Variants in DOCK6 observed in about 807,000 individuals in gnomAD.
DOCK6 encodes the protein dedicator of cytokinesis protein 6.
DOCK6 carries 167 observed loss-of-function variants against 230.3 expected under a neutral mutation model. That is an observed-to-expected ratio of 0.73 (90% CI 0.64 to 0.82). The LOEUF is 0.82. Ranked by LOEUF, DOCK6 falls within the 40% of genes least tolerant of loss-of-function variation. The pLI is 0.00. For synonymous variants in DOCK6, 1,148 were observed against 1,185.0 expected, an observed-to-expected ratio of 0.97 and a Z score of 0.64; for missense variants, 2,598 against 2,825.8, an observed-to-expected ratio of 0.92 and a Z score of 1.83.
intron 22 of DOCK6, among the ~76,000 whole-genome samples, chr19:11,231,425 G>A (rs2079764987): frequency 6.6e-6 from 1 of 152,012 alleles, no homozygotes; most frequent in Non-Finnish European, 1.5e-5. Flanking sequence ...TTTCCACGCT[G>A]TGTGATCATA....
intron 14 of DOCK6, chr19:11,241,744 G>A (rs1485981195): frequency 4.6e-5 from 71 of 1,556,118 alleles, no homozygotes; most frequent in South Asian, 9.5e-5. Context: ...TCCACGCCCC[G>A]TGAGGCCCCT....
chr19:11,242,442 A>G (rs755911131), intron 13 of DOCK6, among the ~76,000 whole-genome samples: 3 of 151,734 alleles, frequency 2.0e-5, no homozygotes, highest in African/African-American at 7.3e-5. Flanking sequence ...CTCAGGCTGG[A>G]GTGCAGTGGG....
Position 11,200,615 on chromosome 19 carries a change from A to T in DOCK6, c.5939+101T>A. On this transcript the variant is annotated intron_variant, in intron 46 of 47. Transcript: ENST00000294618. The surrounding 1 kb of genome is among the most constrained non-coding windows in gnomAD (Gnocchi z 4.3). ...GGTTGGGAGAGTGGACTTAATGGGA[A>T]TCGGGCAGATGGGGGAGCCATGCAG... 6.7e-7 allele frequency: 1 copy of T among 1,491,950 alleles called. No individual in the cohort carries two copies. The highest frequency in any genetic ancestry group is 9.1e-7 in the Non-Finnish European group (1 of 1,104,664). 92.4% of individuals were successfully genotyped at this position (1,491,950 alleles called of 1,614,324 possible).
chr19:11,259,322 C>T (rs150414355), intron 1 of DOCK6, among the ~76,000 whole-genome samples: 143 of 152,128 alleles, frequency 9.4e-4, no homozygotes, highest in African/African-American at 3.3e-3. Flanking sequence ...GCCATCATAC[C>T]TGGCCCAAAA....
chr19:11,232,977 G>C (rs2079791634), intron 22 of DOCK6, among the ~76,000 whole-genome samples: 1 of 152,108 alleles, frequency 6.6e-6, no homozygotes, highest in South Asian at 2.1e-4. Flanking sequence ...GCCACGCCAA[G>C]CTCCGCCACC....
intron 1 of DOCK6, among the ~76,000 whole-genome samples, chr19:11,261,383 G>C (rs1201453138): frequency 8.0e-6 from 1 of 125,018 alleles, no homozygotes; most frequent in Non-Finnish European, 1.6e-5. Context: ...TGTCCCTACA[G>C]CACTTGTCAC....
In DOCK6 at chr19:11,236,708, C is replaced by G; in HGVS notation, c.2160+85G>C. On this transcript the variant is annotated intron_variant, in intron 19 of 47. Coordinates refer to ENST00000294618, the MANE Select transcript of DOCK6 (RefSeq NM_020812.4). The surrounding 1 kb of genome is among the most constrained non-coding windows in gnomAD (Gnocchi z 5.2). Reference sequence around the variant, plus strand: ...CGTCCAAGGCCTGAGGCCAGACCTCCCCGGCCATCGGCAACTGTTACTCAA... The same window carrying G: ...CGTCCAAGGCCTGAGGCCAGACCTCGCCGGCCATCGGCAACTGTTACTCAA... 6.6e-7 allele frequency: 1 copy of G among 1,525,190 alleles called. No individual in the cohort carries two copies. Among genetic ancestry groups the G allele is most frequent in the Non-Finnish European group, 8.9e-7 (1 of 1,124,750 alleles). 94.5% of individuals were successfully genotyped at this position (1,525,190 alleles called of 1,614,324 possible).
chr19:11,236,729 C>A lies in DOCK6; in HGVS notation c.2160+64G>T. 1 of 1,541,110 alleles carries A rather than the reference C, an allele frequency of 6.5e-7. No individual in the cohort carries two copies. Among genetic ancestry groups the A allele is most frequent in the African/African-American group, 1.4e-5 (1 of 72,922 alleles). ...CCTCCCCGGCCATCGGCAACTGTTA[C>A]TCAATCGTAGGGCAGGCAAGAGGGG... On this transcript the variant is annotated intron_variant, in intron 19 of 47. Coordinates refer to ENST00000294618, the MANE Select transcript of DOCK6 (RefSeq NM_020812.4). This position sits in a 1 kb window ranked among gnomAD's most constrained non-coding sequence, Gnocchi z 5.2.
rs554237982 is a variant in DOCK6, at chr19:11,245,536, A to ACC, written c.1023+25_1023+26dup. On this transcript the variant is annotated intron_variant, in intron 9 of 47. Coordinates refer to ENST00000294618, the MANE Select transcript of DOCK6 (RefSeq NM_020812.4). ...TAAATCAGTGACATTCGCCATTACC[A>ACC]CCCCCTTGCCCAGCCCCAGCAGGCA... is the stretch of plus-strand genomic sequence containing the variant. 1.1e-3 allele frequency: 1,632 copies of ACC among 1,545,182 alleles called. 17 individuals are homozygous for ACC. The African/African-American group carries it at 0.02, about 19-fold the overall frequency.
chr19:11,244,978 C>T (rs1191726414), intron 9 of DOCK6, among the ~76,000 whole-genome samples: 2 of 152,124 alleles, frequency 1.3e-5, no homozygotes, highest in African/African-American at 4.8e-5. Context: ...CAATCCTGAC[C>T]ACTCAGGGGC....
chr19:11,250,696 A>C (rs1342957149), intron 6 of DOCK6, among the ~76,000 whole-genome samples, 178 bp downstream of exon 6: 1 of 152,180 alleles, frequency 6.6e-6, no homozygotes, highest in Non-Finnish European at 1.5e-5. Context: ...GTAGGTGTCC[A>C]CATATAGAAG....
Position 11,243,945 on chromosome 19 carries a change from C to T in DOCK6, c.1024-63G>A. 6.5e-7 allele frequency: 1 copy of T among 1,533,478 alleles called. No individual in the cohort carries two copies. The highest frequency in any genetic ancestry group is 8.9e-7 in the Non-Finnish European group (1 of 1,128,986). 95.0% of individuals were successfully genotyped at this position (1,533,478 alleles called of 1,614,324 possible). ...CGAACGCTCTGTTCCCCCGTGCTGG[C>T]TCCCCAGCCTCCTGGACCCCTCATG... is the stretch of plus-strand genomic sequence containing the variant. On this transcript the variant is annotated intron_variant, in intron 9 of 47. Transcript: ENST00000294618. This position sits in a 1 kb window ranked among gnomAD's most constrained non-coding sequence, Gnocchi z 6.3.
In DOCK6 at chr19:11,237,075, C is replaced by T. The variant is rs118011189; in HGVS notation, c.2074-196G>A. ...CAGGCTGGAAATCCACATGCCAAGA[C>T]GGGGGCAGAGAATGGAGACACAGGG... On this transcript the variant is annotated intron_variant, in intron 18 of 47. Transcript: ENST00000294618. 9.4e-3 allele frequency: 5,664 copies of T among 605,502 alleles called. 50 individuals are homozygous for T. The highest frequency in any genetic ancestry group is 0.011 in the South Asian group (555 of 49,310). The allele number at this position is 605,502 out of a possible 1,614,324, so 37.5% of individuals were successfully genotyped here.
At chr19:11,231,090 G>GC (rs1000037382) in intron 22 of DOCK6, among the ~76,000 whole-genome samples, 1 of 151,986 alleles carries the variant, frequency 6.6e-6, no homozygotes, top group Non-Finnish European at 1.5e-5. Context: ...CTGCCCAAAG[G>GC]CCCCCCCTGC....
intron 14 of DOCK6, chr19:11,240,123 TTTA>T: frequency 6.4e-7 from 1 of 1,551,550 alleles, no homozygotes; most frequent in Non-Finnish European, 8.7e-7. Context: ...TGACCCACTG[TTTA>T]TTAAGCAGAT....
intron 22 of DOCK6, chr19:11,229,350 T>G: frequency 8.8e-7 from 1 of 1,134,808 alleles, no homozygotes; most frequent in Admixed American, 4.5e-5. Flanking sequence ...GGAGGAACCC[T>G]CGAGGTAGGA....
Position 11,233,221 on chromosome 19 carries a change from G to A in DOCK6, c.2700C>T (p.Ser900=). 1 of 1,613,582 alleles carries A rather than the reference G, an allele frequency of 6.2e-7. No individual in the cohort carries two copies. The highest frequency in any genetic ancestry group is 8.5e-7 in the Non-Finnish European group (1 of 1,179,792). The part of the protein sequence containing the change: ...VAPGSVDDEV[S]RILASKLLHE... ...GCCCTACCTTGCTGGCCAGGATGCG[G>A]GAAACCTCGTCATCCACAGAGCCAG... Residue 900 remains serine, a synonymous_variant, in exon 22 of 48, where the codon TCC becomes TCT. Coordinates refer to ENST00000294618, the MANE Select transcript of DOCK6 (RefSeq NM_020812.4).
In DOCK6 at chr19:11,201,360, T is replaced by C. The variant is rs1056291414; in HGVS notation, c.5689-308A>G. Among the ~76,000 whole-genome samples, 2 of 152,098 alleles carry C rather than the reference T, an allele frequency of 1.3e-5. No individual in the cohort carries two copies. The highest frequency in any genetic ancestry group is 2.1e-4 in the South Asian group (1 of 4,816). ...CCTGGTTCTGGGGTACATGAGCCAATTTCTGGGTCTAGCGTGTCCACGCCT... is the reference window on the plus strand; with the variant it reads ...CCTGGTTCTGGGGTACATGAGCCAACTTCTGGGTCTAGCGTGTCCACGCCT... On this transcript the variant is annotated intron_variant, in intron 44 of 47. Transcript: ENST00000294618. The surrounding 1 kb of genome is among the most constrained non-coding windows in gnomAD (Gnocchi z 4.3).
chr19:11,214,733 C>G, intron 32 of DOCK6, 84 bp from the exon 33 acceptor site: 1 of 1,289,734 alleles, frequency 7.8e-7, no homozygotes, highest in Non-Finnish European at 1.1e-6. Flanking sequence ...CCTGGCAGCC[C>G]AGGGGGCACT....
Sources: allele counts gnomAD v4.1 joint callset (sites outside exome capture counted in the v4.1 genomes callset), GRCh38; gene constraint gnomAD v4.1.1; non-coding constraint Gnocchi (gnomAD v3.1); transcripts MANE v1.5; gene names NCBI Gene and HGNC (gene_info 2026-07-23, HGNC 2026-07-21).